PTPRN2: variants seen among roughly 807,000 people sequenced by gnomAD.
The protein encoded by PTPRN2 is receptor-type tyrosine-protein phosphatase N2.
Under a neutral mutation model 118.8 loss-of-function variants are expected in PTPRN2, and 74 were observed. The ratio of observed to expected loss-of-function variants is 0.62; its 90% CI spans 0.52 to 0.76. The LOEUF is 0.76. Ranked by LOEUF, PTPRN2 falls within the 30% of genes least tolerant of loss-of-function variation. PTPRN2 has a pLI of 0.00. For synonymous variants in PTPRN2, 641 were observed against 608.0 expected (o/e 1.05, Z -0.80); for missense variants, 1,481 against 1,394.4 (o/e 1.06, Z -0.99).
intron 2 of PTPRN2, among the ~76,000 whole-genome samples, chr7:158,371,049 T>G (rs942099798): frequency 1.3e-5 from 2 of 152,134 alleles, no homozygotes; most frequent in Non-Finnish European, 2.9e-5. Context: ...TTGGGAAATA[T>G]GAGAAAAAAT....
intron 2 of PTPRN2, among the ~76,000 whole-genome samples, chr7:158,465,155 A>T (rs1350633175): frequency 6.6e-6 from 1 of 152,158 alleles, no homozygotes; most frequent in African/African-American, 2.4e-5. Flanking sequence ...TGGGCCTTGT[A>T]TGTGGAGATA....
At chr7:157,888,178 C>T (rs111810955) in intron 12 of PTPRN2, among the ~76,000 whole-genome samples, 20 of 152,100 alleles carry the variant, frequency 1.3e-4, no homozygotes, top group South Asian at 1.2e-3. Context: ...TAGGCTGAGC[C>T]GGCACTAGGG....
intron 7 of PTPRN2, 65 bp downstream of exon 7, chr7:158,138,229 A>G (rs1819017809): frequency 6.9e-7 from 1 of 1,458,590 alleles, no homozygotes; most frequent in Non-Finnish European, 9.4e-7. Flanking sequence ...CAGTCTCTGC[A>G]CAGCCCTGAG....
chr7:158,172,850 TTCACCA>T, intron 5 of PTPRN2, among the ~76,000 whole-genome samples: 2 of 137,370 alleles, frequency 1.5e-5, no homozygotes, highest in African/African-American at 6.1e-5. Context: ...CATCATCAAC[TTCACCA>T]TCCACAGCAC....
chr7:157,901,549 GTTTA>G (rs1241464020), intron 11 of PTPRN2, among the ~76,000 whole-genome samples: 2 of 152,234 alleles, frequency 1.3e-5, no homozygotes, highest in South Asian at 2.1e-4. Context: ...TCTTAACATA[GTTTA>G]TTTAAGTGCA....
rs1014831636 is a variant in PTPRN2, at chr7:157,555,756, C to A, written c.2903-6737G>T. 3.3e-5 allele frequency among the ~76,000 whole-genome samples: 5 copies of A among 152,328 alleles called. No individual in the cohort carries two copies. In the East Asian group the frequency reaches 9.6e-4, roughly 29 times the overall value. ...TTCAAGAGAGAGAGGCCTTTACTTG[C>A]AGGAGAAAATTTTCTCAACTCTACC... On this transcript the variant is annotated intron_variant, in intron 21 of 22. Transcript: ENST00000389418.
At chr7:158,145,169 ATCGTGAGAAGGTTC>A (rs1415942525) in intron 6 of PTPRN2, among the ~76,000 whole-genome samples, 12 of 151,678 alleles carry the variant, frequency 7.9e-5, no homozygotes, top group African/African-American at 2.4e-4. Flanking sequence ...CCCTCACATC[ATCGTGAGAAGGTTC>A]CAGAATACCA....
chr7:157,547,442 G>A (rs1005561153), intron 22 of PTPRN2, among the ~76,000 whole-genome samples: 2 of 152,136 alleles, frequency 1.3e-5, no homozygotes, highest in African/African-American at 4.8e-5. Flanking sequence ...GAACTCCTTG[G>A]TACAGAGAGG....
At chr7:158,023,116 C>T (rs983717000) in intron 11 of PTPRN2, among the ~76,000 whole-genome samples, 1 of 152,196 alleles carries the variant, frequency 6.6e-6, no homozygotes, top group African/African-American at 2.4e-5. Flanking sequence ...TAAACTCATT[C>T]ATCTTGGAAA....
At chr7:158,459,362 G>C (rs1622890) in intron 2 of PTPRN2, among the ~76,000 whole-genome samples, 55,487 of 107,378 alleles carry the variant, frequency 0.52, 13,721 homozygotes, top group Non-Finnish European at 0.53. Context: ...GAATCCAGAG[G>C]CCCCGCTTGG....
intron 14 of PTPRN2, among the ~76,000 whole-genome samples, chr7:157,651,330 C>G (rs1805641219): frequency 1.3e-5 from 2 of 152,194 alleles, no homozygotes; most frequent in African/African-American, 2.4e-5. Context: ...TCAGGACTCT[C>G]CAAGGATGAG....
intron 1 of PTPRN2, among the ~76,000 whole-genome samples, chr7:158,492,853 C>T (rs1341522700): frequency 2.6e-5 from 4 of 152,258 alleles, no homozygotes; most frequent in Admixed American, 6.5e-5. Flanking sequence ...ACGCCTTCCT[C>T]GAGTGGGCTC....
chr7:157,789,086 A>C (rs1804263449), intron 12 of PTPRN2, among the ~76,000 whole-genome samples: 1 of 152,218 alleles, frequency 6.6e-6, no homozygotes, highest in Non-Finnish European at 1.5e-5. Context: ...CGTCACAAAA[A>C]TTCTAGGAGG....
Position 157,676,579 on chromosome 7 carries a change from C to T in PTPRN2, c.2001+6146G>A, listed in dbSNP as rs756522998. On this transcript the variant is annotated intron_variant, in intron 13 of 22. Transcript: ENST00000389418. The surrounding 1 kb of genome is among the most constrained non-coding windows in gnomAD (Gnocchi z 5.6). Reference sequence around the variant, plus strand: ...TCCAGACCCACGGGACAGAAAAGCCCGGGCCAGCCCCTCAACACCCTGCAG... The same window carrying T: ...TCCAGACCCACGGGACAGAAAAGCCTGGGCCAGCCCCTCAACACCCTGCAG... Among the ~76,000 whole-genome samples the T allele has an allele frequency of 2.0e-5, 3 of 152,216 alleles. No homozygotes were observed. The highest frequency in any genetic ancestry group is 6.5e-5 in the Admixed American group (1 of 15,284).
At chr7:157,993,994 G>A (rs74997842) in intron 11 of PTPRN2, among the ~76,000 whole-genome samples, 319 of 152,202 alleles carry the variant, frequency 2.1e-3, no homozygotes, top group African/African-American at 7.2e-3. Flanking sequence ...CAAAATGCAC[G>A]GCTGCAGTTT....
chr7:158,008,122 G>A (rs12670211), intron 11 of PTPRN2, among the ~76,000 whole-genome samples: 2 of 135,322 alleles, frequency 1.5e-5, no homozygotes, highest in Admixed American at 7.6e-5. Context: ...TGTGTGTGTG[G>A]GTGTGTACAT....
At position 158,093,871 on chromosome 7, in the gene PTPRN2, C is replaced by G. The variant is rs1019818863; in HGVS notation, c.1644-12494G>C. Among the ~76,000 whole-genome samples the G allele has an allele frequency of 2.1e-4, 32 of 152,008 alleles. No individual in the cohort carries two copies. Among genetic ancestry groups the G allele is most frequent in the African/African-American group, 7.7e-4 (32 of 41,452 alleles). On this transcript the variant is annotated intron_variant, in intron 10 of 22. Coordinates refer to ENST00000389418, the MANE Select transcript of PTPRN2 (RefSeq NM_002847.5). This position sits in a 1 kb window ranked among gnomAD's most constrained non-coding sequence, Gnocchi z 4.4. ...ATGTATGAGGAAACAAAGACACACA[C>G]AGTTATTGCAAGATAATTTAACATC...
chr7:157,955,410 G>T (rs1801118293), intron 11 of PTPRN2, among the ~76,000 whole-genome samples: 2 of 151,946 alleles, frequency 1.3e-5, no homozygotes, highest in Non-Finnish European at 2.9e-5. Context: ...CTGGGTGGGA[G>T]CTATTTCTAG....
intron 11 of PTPRN2, among the ~76,000 whole-genome samples, chr7:157,948,602 A>G (rs1368057996): frequency 6.6e-6 from 1 of 152,224 alleles, no homozygotes; most frequent in Non-Finnish European, 1.5e-5. Context: ...ATCCTTCCTT[A>G]ACAGAAATTA....
Sources: allele counts gnomAD v4.1 joint callset (sites outside exome capture counted in the v4.1 genomes callset), GRCh38; gene constraint gnomAD v4.1.1; non-coding constraint Gnocchi (gnomAD v3.1); transcripts MANE v1.5; gene names NCBI Gene and HGNC (gene_info 2026-07-23, HGNC 2026-07-21).